EPB41L4B: variants seen among roughly 807,000 people sequenced by gnomAD.
The protein encoded by EPB41L4B is band 4.1-like protein 4B.
A neutral mutation model predicts 112.5 loss-of-function variants in EPB41L4B; 30 were observed. That is an observed-to-expected ratio of 0.27 (90% CI 0.20 to 0.36). The LOEUF (loss-of-function observed/expected upper bound fraction) is 0.36. Ranked by LOEUF, EPB41L4B falls within the 10% of genes least tolerant of loss-of-function variation. EPB41L4B has a pLI of 1.00. For missense variants in EPB41L4B, 1,024 were observed against 1,133.3 expected, an observed-to-expected ratio of 0.90 and a Z score of 1.38; for synonymous variants, 408 against 439.7, an observed-to-expected ratio of 0.93 and a Z score of 0.90.
intron 15 of EPB41L4B, among the ~76,000 whole-genome samples, chr9:109,226,715 A>ATATATATGAAG (rs1833784354): frequency 2.1e-5 from 3 of 140,322 alleles, no homozygotes; most frequent in African/African-American, 7.8e-5. Flanking sequence ...TATGAAGAAT[A>ATATATATGAAG]TATATATGAA....
intron 15 of EPB41L4B, among the ~76,000 whole-genome samples, chr9:109,237,701 A>C (rs1342947973): frequency 6.6e-6 from 1 of 152,070 alleles, no homozygotes; most frequent in East Asian, 1.9e-4. Flanking sequence ...AGAAGACAGT[A>C]AACAGCGTTA....
chr9:109,286,455 T>G (rs553233568), intron 1 of EPB41L4B, among the ~76,000 whole-genome samples: 1 of 152,304 alleles, frequency 6.6e-6, no homozygotes, highest in East Asian at 1.9e-4. Flanking sequence ...CTGCCAAAGC[T>G]GTTTACCTAA....
At chr9:109,241,150 G>A in intron 15 of EPB41L4B, 1 of 985,748 alleles carries the variant, frequency 1.0e-6, no homozygotes. Context: ...TTAACAAATT[G>A]CAGAATTTTA....
intron 16 of EPB41L4B, among the ~76,000 whole-genome samples, chr9:109,215,088 A>G (rs564295338): frequency 1.1e-3 from 171 of 152,240 alleles, no homozygotes; most frequent in African/African-American, 3.9e-3. Flanking sequence ...TGTGGCCCCA[A>G]GGTGAAGGTT....
At position 109,275,747 on chromosome 9, in the gene EPB41L4B, A is replaced by T. The variant is rs562419068; in HGVS notation, c.411+4070T>A. Among the ~76,000 whole-genome samples, 3 of 152,340 alleles carry T rather than the reference A, an allele frequency of 2.0e-5. No individual in the cohort carries two copies. In the South Asian group the frequency reaches 6.2e-4, roughly 32 times the overall value. On this transcript the variant is annotated intron_variant, in intron 2 of 25. Transcript: ENST00000374566. Reference sequence around the variant, plus strand: ...CCTCCACTTTACAGCTAGGAAACTGAGACTCAAGAGTAGGGTGTACTAGAA... The same window carrying T: ...CCTCCACTTTACAGCTAGGAAACTGTGACTCAAGAGTAGGGTGTACTAGAA...
intron 15 of EPB41L4B, among the ~76,000 whole-genome samples, chr9:109,225,381 GAA>G (rs1244929037): frequency 6.6e-6 from 1 of 152,184 alleles, no homozygotes; most frequent in Admixed American, 6.5e-5. Context: ...ATTTACAAAA[GAA>G]AGAGGTTTGA....
intron 1 of EPB41L4B, among the ~76,000 whole-genome samples, chr9:109,317,043 C>G (rs541399238): frequency 6.6e-6 from 1 of 151,972 alleles, no homozygotes; most frequent in Admixed American, 6.6e-5. Flanking sequence ...AGATTAAGAC[C>G]GTAGTGAGCT....
chr9:109,274,122 A>G (rs538567082), intron 2 of EPB41L4B, among the ~76,000 whole-genome samples: 1 of 152,330 alleles, frequency 6.6e-6, no homozygotes, highest in Admixed American at 6.5e-5. Context: ...GAGGACGCAC[A>G]TCTGACAAGT....
intron 1 of EPB41L4B, among the ~76,000 whole-genome samples, chr9:109,298,863 C>T (rs988640340): frequency 2.6e-5 from 4 of 152,086 alleles, no homozygotes; most frequent in Admixed American, 1.3e-4. Context: ...AGGTATTGTC[C>T]AAAAGTATTC....
chr9:109,258,416 A>G, intron 6 of EPB41L4B, 119 bp from the exon 7 acceptor site: 1 of 1,054,444 alleles, frequency 9.5e-7, no homozygotes, highest in Non-Finnish European at 1.4e-6. Context: ...CCCAATGTAT[A>G]ACTCTCTCCT....
rs200602422 is a variant in EPB41L4B, at chr9:109,301,987, C to T, written c.306+18154G>A. On this transcript the variant is annotated intron_variant, in intron 1 of 25. Coordinates refer to ENST00000374566, the MANE Select transcript of EPB41L4B (RefSeq NM_019114.5). ...TCAAGTCCTGCTTCTTCCCTTAGTC[C>T]CATGTTACAGATGCCAGTTCCTGCA... Among the ~76,000 whole-genome samples the T allele has an allele frequency of 6.6e-5, 10 of 152,302 alleles. No individual in the cohort carries two copies. The East Asian group carries it at 1.9e-3, about 29-fold the overall frequency.
intron 1 of EPB41L4B, among the ~76,000 whole-genome samples, chr9:109,298,676 G>A (rs1310826092): frequency 6.6e-6 from 1 of 152,190 alleles, no homozygotes; most frequent in African/African-American, 2.4e-5. Flanking sequence ...GTACTATGAT[G>A]AAATATTACT....
intron 1 of EPB41L4B, among the ~76,000 whole-genome samples, chr9:109,290,422 G>A (rs1836479157): frequency 6.6e-6 from 1 of 152,152 alleles, no homozygotes; most frequent in Non-Finnish European, 1.5e-5. Flanking sequence ...TAATTTCACT[G>A]AAAGAAAAAT....
chr9:109,237,354 C>T (rs963502918), intron 15 of EPB41L4B, among the ~76,000 whole-genome samples: 5 of 152,176 alleles, frequency 3.3e-5, no homozygotes, highest in Non-Finnish European at 5.9e-5. Context: ...TGTCAATACA[C>T]TGTTGGATGT....
At chr9:109,287,217 C>T (rs1284671722) in intron 1 of EPB41L4B, among the ~76,000 whole-genome samples, 2 of 152,160 alleles carry the variant, frequency 1.3e-5, no homozygotes, top group Non-Finnish European at 2.9e-5. Flanking sequence ...TTTGCTTATT[C>T]ACTGGTTCCT....
chr9:109,307,665 T>A (rs1837262165), intron 1 of EPB41L4B, among the ~76,000 whole-genome samples: 1 of 152,198 alleles, frequency 6.6e-6, no homozygotes, highest in South Asian at 2.1e-4. Context: ...TGCCATGGAA[T>A]GGGCTGTCAA....
chr9:109,232,276 G>C (rs1244772479), intron 15 of EPB41L4B, among the ~76,000 whole-genome samples: 1 of 151,748 alleles, frequency 6.6e-6, no homozygotes, highest in Non-Finnish European at 1.5e-5. Context: ...ACAAGCATGA[G>C]CCACTGTGCC....
chr9:109,242,847 T>TAAAAA (rs11292845), intron 15 of EPB41L4B, among the ~76,000 whole-genome samples: 3 of 127,146 alleles, frequency 2.4e-5, no homozygotes, highest in Non-Finnish European at 3.3e-5. Context: ...AAGCTAGCCT[T>TAAAAA]AAAAAAAAAA....
At position 109,255,672 on chromosome 9, in the gene EPB41L4B, C is replaced by T; in HGVS notation, c.1008G>A (p.Glu336=). Residue 336 remains glutamate, a synonymous_variant, in exon 11 of 26, where the codon GAG becomes GAA. Coordinates refer to ENST00000374566, the MANE Select transcript of EPB41L4B (RefSeq NM_019114.5). ...VVVEDDDQGR[E]QEHTFVFRLD... ...ACCGGAACACAAACGTGTGCTCTTG[C>T]TCACGTCCCTTAAAGAGGAAGCACA... 1 of 1,612,512 alleles carries T rather than the reference C, an allele frequency of 6.2e-7. No homozygotes were observed.
Sources: allele counts gnomAD v4.1 joint callset (sites outside exome capture counted in the v4.1 genomes callset), GRCh38; gene constraint gnomAD v4.1.1; transcripts MANE v1.5; gene names NCBI Gene and HGNC (gene_info 2026-07-23, HGNC 2026-07-21).